Variants in NUDT9 observed in about 807,000 individuals in gnomAD.
NUDT9 encodes the protein nudix hydrolase 9.
A neutral mutation model predicts 41.0 loss-of-function variants in NUDT9; 31 were observed. That is an observed-to-expected ratio of 0.76 (90% CI 0.57 to 1.02). NUDT9 has a LOEUF of 1.02. Ranked by LOEUF, NUDT9 falls within the 50% of genes least tolerant of loss-of-function variation. The pLI, the probability that NUDT9 is intolerant of heterozygous loss-of-function variation, is 0.00. For missense variants in NUDT9, 380 were observed against 431.4 expected (o/e 0.88, Z 1.06); for synonymous variants, 146 against 147.6 (o/e 0.99, Z 0.08).
Position 87,422,827 on chromosome 4 carries a change from C to A in NUDT9, c.-79C>A. 2 of 1,115,584 alleles carry A rather than the reference C, an allele frequency of 1.8e-6. No individual in the cohort carries two copies. Among genetic ancestry groups the A allele is most frequent in the Non-Finnish European group, 2.6e-6 (2 of 766,924 alleles). The allele number at this position is 1,115,584 out of a possible 1,614,324, so 69.1% of individuals were successfully genotyped here. On this transcript the variant is annotated 5_prime_UTR_variant, in exon 1 of 8. Transcript: ENST00000302174. ...GCCCATCAGATACCCGCGGCCGGGA[C>A]TCGGAGCTGTGGGGTGTGGGGAGGC... is the stretch of plus-strand genomic sequence containing the variant.
chr4:87,446,039 C>T (rs928450114), intron 4 of NUDT9, among the ~76,000 whole-genome samples: 2 of 151,432 alleles, frequency 1.3e-5, no homozygotes, highest in Non-Finnish European at 2.9e-5. Flanking sequence ...GCTAAGATTA[C>T]AGGCAGGAGC....
chr4:87,434,868 C>A, intron 1 of NUDT9, 113 bp from the exon 2 acceptor site: 1 of 866,840 alleles, frequency 1.2e-6, no homozygotes, highest in Non-Finnish European at 1.8e-6. Context: ...ATCCACCTAC[C>A]TCGGCCTCAC....
chr4:87,452,412 A>G (rs1364384707), intron 6 of NUDT9, among the ~76,000 whole-genome samples: 1 of 152,146 alleles, frequency 6.6e-6, no homozygotes, highest in Non-Finnish European at 1.5e-5. Context: ...TATGTCATAC[A>G]GAGATTTTTC....
intron 5 of NUDT9, among the ~76,000 whole-genome samples, chr4:87,450,155 A>G (rs1722642554): frequency 6.6e-6 from 1 of 151,790 alleles, no homozygotes; most frequent in Admixed American, 6.6e-5. Context: ...GTGAGCCACC[A>G]CACCTGGCCT....
chr4:87,426,931 T>A (rs1721451112), intron 1 of NUDT9, among the ~76,000 whole-genome samples: 1 of 140,622 alleles, frequency 7.1e-6, no homozygotes, highest in African/African-American at 2.6e-5. Context: ...AACCACTCCC[T>A]TGCCAAAAAA....
chr4:87,449,114 C>T (rs770853933), intron 4 of NUDT9, 28 bp from the exon 5 acceptor site: 31 of 1,304,706 alleles, frequency 2.4e-5, no homozygotes, highest in Middle Eastern at 3.6e-4. Flanking sequence ...GTTGTAAATC[C>T]GTTATGATTT....
intron 2 of NUDT9, among the ~76,000 whole-genome samples, chr4:87,436,541 G>T (rs942165887): frequency 6.6e-6 from 1 of 152,094 alleles, no homozygotes; most frequent in South Asian, 2.1e-4. Flanking sequence ...GAACTCCTGA[G>T]CTCAGGTGAT....
intron 4 of NUDT9, among the ~76,000 whole-genome samples, chr4:87,444,128 TG>T (rs1346075652): frequency 2.0e-5 from 3 of 152,178 alleles, no homozygotes; most frequent in Non-Finnish European, 2.9e-5. Context: ...ATTTCTTTGC[TG>T]ACCATCTGTC....
chr4:87,450,268 AACAT>A (rs920870298), intron 5 of NUDT9, among the ~76,000 whole-genome samples: 7 of 152,194 alleles, frequency 4.6e-5, no homozygotes, highest in African/African-American at 1.2e-4. Flanking sequence ...TCTTTATAAA[AACAT>A]ACAGTTGTCT....
rs1334602927 is a variant in NUDT9 at position 87,458,586 on chromosome 4, A to C, written c.*565A>C. 1.3e-5 allele frequency: 2 copies of C among 152,236 alleles called. No homozygotes were observed. The highest frequency in any genetic ancestry group is 4.8e-5 in the African/African-American group (2 of 41,462). The allele number at this position is 152,236 out of a possible 1,614,324, so 9.4% of individuals were successfully genotyped here. On this transcript the variant is annotated 3_prime_UTR_variant, in exon 8 of 8. Transcript: ENST00000302174. ...ATGTTTTCTTGACTTTAGAAGCATT[A>C]GTTTTAAGAGGAAATTTCAGCCACT...
At chr4:87,437,698 AC>A (rs1370787435) in intron 2 of NUDT9, among the ~76,000 whole-genome samples, 1 of 152,204 alleles carries the variant, frequency 6.6e-6, no homozygotes, top group African/African-American at 2.4e-5. Context: ...TTTTACATTT[AC>A]ATAGCTCTGT....
At chr4:87,429,006 G>A (rs1721557994) in intron 1 of NUDT9, among the ~76,000 whole-genome samples, 1 of 152,120 alleles carries the variant, frequency 6.6e-6, no homozygotes, top group Non-Finnish European at 1.5e-5. Flanking sequence ...AATTGTACAC[G>A]TAAAATTCAC....
At chr4:87,454,330 C>A in intron 6 of NUDT9, 41 bp from the exon 7 acceptor site, 1 of 1,138,254 alleles carries the variant, frequency 8.8e-7, no homozygotes, top group Non-Finnish European at 1.3e-6. Context: ...GTACTCACTA[C>A]ACCTTGGACT....
At chr4:87,455,637 T>TAAA (rs1722952202) in intron 7 of NUDT9, among the ~76,000 whole-genome samples, 8 of 151,810 alleles carry the variant, frequency 5.3e-5, no homozygotes, top group African/African-American at 1.9e-4. Flanking sequence ...AGCGTGCTTT[T>TAAA]AGTGCTTTTT....
intron 1 of NUDT9, among the ~76,000 whole-genome samples, chr4:87,426,027 G>A (rs1365364602): frequency 6.6e-6 from 1 of 152,032 alleles, no homozygotes; most frequent in African/African-American, 2.4e-5. Context: ...TGCCCAGGCT[G>A]GTCTCAAACT....
At chr4:87,435,307 A>T (rs985379080) in intron 2 of NUDT9, 87 bp downstream of exon 2, 27 of 1,402,888 alleles carry the variant, frequency 1.9e-5, no homozygotes, top group Non-Finnish European at 2.6e-5. Flanking sequence ...TGACACCTGA[A>T]AATAATTTCA....
chr4:87,431,382 G>C (rs533297168), intron 1 of NUDT9, among the ~76,000 whole-genome samples: 5 of 152,272 alleles, frequency 3.3e-5, no homozygotes, highest in African/African-American at 1.2e-4. Context: ...TTTCAAGATT[G>C]TCTTGGCTAT....
At chr4:87,454,537 C>A in intron 7 of NUDT9, 82 bp downstream of exon 7, 1 of 920,924 alleles carries the variant, frequency 1.1e-6, no homozygotes, top group Non-Finnish European at 1.8e-6. Flanking sequence ...TAAATCTGGA[C>A]TATTTAGCAT....
chr4:87,427,700 G>A (rs1285258101), intron 1 of NUDT9, among the ~76,000 whole-genome samples: 5 of 152,132 alleles, frequency 3.3e-5, no homozygotes, highest in African/African-American at 9.7e-5. Flanking sequence ...TTTTTGGTAC[G>A]TGGGTGGGAT....
Sources: allele counts gnomAD v4.1 joint callset (sites outside exome capture counted in the v4.1 genomes callset), GRCh38; gene constraint gnomAD v4.1.1; transcripts MANE v1.5; gene names NCBI Gene and HGNC (gene_info 2026-07-23, HGNC 2026-07-21).